The following NAXD variants were observed in gnomAD, a reference collection of about 807,000 sequenced individuals.
The protein encoded by NAXD is NAD(P)HX dehydratase, also known as ATP-dependent (S)-NAD(P)H-hydrate dehydratase.
Under a neutral mutation model 35.8 loss-of-function variants are expected in NAXD, and 22 were observed. The observed-to-expected ratio is 0.62, with a 90% CI of 0.44 to 0.88. The LOEUF (loss-of-function observed/expected upper bound fraction) is 0.88, where lower values mean the gene tolerates loss of function less well. Among genes scored for constraint, NAXD ranks in the 40% least tolerant of loss-of-function variants. The pLI is 0.00. For missense variants in NAXD, 428 were observed against 437.7 expected (o/e 0.98, Z 0.20); for synonymous variants, 189 against 177.6 (o/e 1.06, Z -0.51).
chr13:110,630,955 C>T (rs934633816), intron 5 of NAXD, among the ~76,000 whole-genome samples: 2 of 152,180 alleles, frequency 1.3e-5, no homozygotes, highest in South Asian at 4.1e-4. Context: ...CAAATTCGCT[C>T]TTTTTAAGGT....
chr13:110,616,051 CCG>C (rs1886040011), intron 1 of NAXD: 1 of 371,300 alleles, frequency 2.7e-6, no homozygotes, highest in South Asian at 1.2e-4. Context: ...GGGCCGAGGG[CCG>C]AGGACGGTAG....
At chr13:110,620,310 G>A (rs148905399) in intron 1 of NAXD, among the ~76,000 whole-genome samples, 20 of 151,896 alleles carry the variant, frequency 1.3e-4, no homozygotes, top group East Asian at 3.9e-4. Flanking sequence ...GGCTGAGCGC[G>A]GTGGCTCACA....
At position 110,638,069 on chromosome 13, in the gene NAXD, A is replaced by G. The variant is rs145383062; in HGVS notation, c.840-309A>G. On this transcript the variant is annotated intron_variant, in intron 9 of 9. Transcript: ENST00000680254. This position sits in a 1 kb window ranked among gnomAD's most constrained non-coding sequence, Gnocchi z 5.4. The stretch of plus-strand genomic sequence containing the variant: ...CACCTGGGCACTGAGAGCACAGTCA[A>G]ACAGGGCTAAGCAGCTTGTGCCGCC... Among the ~76,000 whole-genome samples, 1 of 152,272 alleles carries G rather than the reference A, an allele frequency of 6.6e-6. No homozygotes were observed. Among genetic ancestry groups the G allele is most frequent in the Non-Finnish European group, 1.5e-5 (1 of 68,016 alleles).
At chr13:110,635,868 C>T (rs980250381) in intron 8 of NAXD, among the ~76,000 whole-genome samples, 2 of 152,258 alleles carry the variant, frequency 1.3e-5, no homozygotes, top group Non-Finnish European at 2.9e-5. Context: ...AGCAGTCTGG[C>T]GGGAGGGTGC....
intron 5 of NAXD, among the ~76,000 whole-genome samples, chr13:110,632,264 T>G (rs939229076): frequency 6.6e-6 from 1 of 152,198 alleles, no homozygotes; most frequent in South Asian, 2.1e-4. Flanking sequence ...GGGCTCGTGG[T>G]CTCGCTGGCT....
chr13:110,636,984 C>T (rs1039959044), intron 8 of NAXD, 145 bp from the exon 9 acceptor site: 36 of 888,792 alleles, frequency 4.1e-5, no homozygotes, highest in Middle Eastern at 3.5e-4. Flanking sequence ...AGGGAAGAGC[C>T]GTAGCAGGCA....
intron 1 of NAXD, among the ~76,000 whole-genome samples, chr13:110,620,191 C>A (rs1886205790): frequency 6.6e-6 from 1 of 152,106 alleles, no homozygotes; most frequent in South Asian, 2.1e-4. Flanking sequence ...TGGTCCCCTG[C>A]AGGTAGCTCA....
chr13:110,624,303 A>T (rs762040537), intron 3 of NAXD, 24 bp downstream of exon 3: 3 of 1,497,878 alleles, frequency 2.0e-6, no homozygotes, highest in South Asian at 1.1e-5. Flanking sequence ...AAATTTCTTT[A>T]TTGGGATTTT....
intron 3 of NAXD, among the ~76,000 whole-genome samples, chr13:110,624,723 A>G (rs1886396980): frequency 6.6e-6 from 1 of 152,220 alleles, no homozygotes; most frequent in African/African-American, 2.4e-5. Flanking sequence ...CGGCCTCCCG[A>G]AGTGCTGGGA....
intron 1 of NAXD, 64 bp downstream of exon 1, chr13:110,615,711 G>C: frequency 6.6e-7 from 1 of 1,516,754 alleles, no homozygotes; most frequent in Non-Finnish European, 8.8e-7. Flanking sequence ...TGCCGTCGCC[G>C]GCGCGGTCGT....
intron 5 of NAXD, 98 bp from the exon 6 acceptor site, chr13:110,634,446 CT>C: frequency 7.8e-7 from 1 of 1,280,270 alleles, no homozygotes; most frequent in Non-Finnish European, 1.1e-6. Flanking sequence ...TCCCAGGACC[CT>C]TCCCTTGGCA....
chr13:110,632,668 A>C, intron 5 of NAXD, among the ~76,000 whole-genome samples: 1 of 152,168 alleles, frequency 6.6e-6, no homozygotes, highest in Non-Finnish European at 1.5e-5. Context: ...ACAAACCCTG[A>C]GTTAGACACA....
intron 1 of NAXD, among the ~76,000 whole-genome samples, chr13:110,621,749 G>T (rs951787682): frequency 6.7e-6 from 1 of 148,314 alleles, no homozygotes; most frequent in African/African-American, 2.5e-5. Flanking sequence ...ATGTGTTCAG[G>T]CTGGGCATGG....
At chr13:110,624,495 T>G (rs7981780) in intron 3 of NAXD, among the ~76,000 whole-genome samples, 30,264 of 152,190 alleles carry the variant, frequency 0.2, 3,715 homozygotes, top group Admixed American at 0.32. Context: ...TTTCGCTCTT[T>G]TTGCCCAGGC....
intron 4 of NAXD, among the ~76,000 whole-genome samples, chr13:110,626,894 G>T (rs117464221): frequency 1.3e-5 from 2 of 152,252 alleles, no homozygotes; most frequent in Non-Finnish European, 2.9e-5. Flanking sequence ...GGGTCAGTGC[G>T]TTGTGTGGGG....
At chr13:110,631,284 T>A (rs972116210) in intron 5 of NAXD, among the ~76,000 whole-genome samples, 1 of 152,224 alleles carries the variant, frequency 6.6e-6, no homozygotes, top group African/African-American at 2.4e-5. Flanking sequence ...AATTTATGGA[T>A]CTACTACAGT....
intron 8 of NAXD, among the ~76,000 whole-genome samples, chr13:110,635,868 C>G (rs980250381): frequency 6.6e-6 from 1 of 152,258 alleles, no homozygotes; most frequent in Non-Finnish European, 1.5e-5. Context: ...AGCAGTCTGG[C>G]GGGAGGGTGC....
At position 110,635,541 on chromosome 13, in the gene NAXD, C is replaced by T. The variant is rs149297756; in HGVS notation, c.671C>T (p.Thr224Met). Residue 224 changes from threonine to methionine, a missense_variant, in exon 8 of 10, where the codon ACG becomes ATG. Thr to Met is a moderately conservative substitution (Grantham distance 81). Coordinates refer to ENST00000680254, the MANE Select transcript of NAXD (RefSeq NM_001242882.2). ...CTCAGCCAAGCCCTGGGCAACGTGA[C>T]GGTGGTCCAGAAAGGAGAGCGCGAC... Reference protein sequence around the residue: ...LRLSQALGNVTVVQKGERDIL... With the variant: ...LRLSQALGNVMVVQKGERDIL... 1.6e-4 allele frequency: 261 copies of T among 1,614,060 alleles called. No individual in the cohort carries two copies. Among genetic ancestry groups the T allele is most frequent in the Admixed American group, 4.0e-4 (24 of 60,016 alleles).
chr13:110,637,091 G>T, intron 8 of NAXD, 38 bp from the exon 9 acceptor site: 1 of 1,581,542 alleles, frequency 6.3e-7, no homozygotes. Context: ...CACACACATG[G>T]CCATGCTGAC....
Sources: allele counts gnomAD v4.1 joint callset (sites outside exome capture counted in the v4.1 genomes callset), GRCh38; gene constraint gnomAD v4.1.1; non-coding constraint Gnocchi (gnomAD v3.1); transcripts MANE v1.5; gene names NCBI Gene and HGNC (gene_info 2026-07-23, HGNC 2026-07-21).